FAM20C: variants seen among roughly 807,000 people sequenced by gnomAD.
FAM20C encodes the protein extracellular serine/threonine protein kinase FAM20C.
FAM20C carries 40 observed loss-of-function variants against 51.5 expected under a neutral mutation model. The observed-to-expected ratio is 0.78, with a 90% CI of 0.60 to 1.01. The LOEUF (loss-of-function observed/expected upper bound fraction) is 1.01, where lower values mean the gene tolerates loss of function less well. Among genes scored for constraint, FAM20C ranks in the 50% least tolerant of loss-of-function variants. FAM20C has a pLI of 0.00. For synonymous variants in FAM20C, 406 were observed against 380.6 expected, an observed-to-expected ratio of 1.07 and a Z score of -0.78; for missense variants, 861 against 844.7, an observed-to-expected ratio of 1.02 and a Z score of -0.24.
intron 2 of FAM20C, among the ~76,000 whole-genome samples, chr7:200,477 C>CA (rs1229610205): frequency 2.6e-5 from 4 of 152,122 alleles, no homozygotes; most frequent in Non-Finnish European, 5.9e-5. Context: ...AGGTGAGGAG[C>CA]AAAAGCTCAT....
intron 3 of FAM20C, among the ~76,000 whole-genome samples, chr7:230,569 C>T (rs566389334): frequency 6.6e-6 from 1 of 152,208 alleles, no homozygotes; most frequent in Admixed American, 6.5e-5. Flanking sequence ...TGGCCGGCCA[C>T]CTCAGACAGG....
At chr7:246,542 C>CTCCATCCGTGCTCCA in intron 4 of FAM20C, 35 bp downstream of exon 4, 2 of 1,278,060 alleles carry the variant, frequency 1.6e-6, no homozygotes, top group Middle Eastern at 2.0e-4. Context: ...TCCGCGCTCC[C>CTCCATCCGTGCTCCA]GTGCGCTCAG....
chr7:251,427 A>T (rs2115160242), intron 5 of FAM20C, among the ~76,000 whole-genome samples: 2 of 152,194 alleles, frequency 1.3e-5, no homozygotes, highest in Middle Eastern at 6.8e-3. Context: ...CTGAGGCAGG[A>T]GGATGGCTTG....
At position 232,779 on chromosome 7, in the gene FAM20C, G is replaced by A. The variant is rs956505786; in HGVS notation, c.864-13636G>A. On this transcript the variant is annotated intron_variant, in intron 3 of 9. Transcript: ENST00000313766. Reference sequence around the variant, plus strand: ...GGCTGACCGGCCCCTCGGCCGTGCCGGGATCGTGTGCGTTGCAGGACGGGG... The same window carrying A: ...GGCTGACCGGCCCCTCGGCCGTGCCAGGATCGTGTGCGTTGCAGGACGGGG... 8.6e-4 allele frequency among the ~76,000 whole-genome samples: 131 copies of A among 152,350 alleles called. 2 individuals carry two copies. In the East Asian group the frequency reaches 0.02, roughly 24 times the overall value.
chr7:194,900 T>A (rs984776485), intron 1 of FAM20C, among the ~76,000 whole-genome samples: 2 of 152,116 alleles, frequency 1.3e-5, no homozygotes, highest in East Asian at 3.9e-4. Flanking sequence ...GGAGGGTCTG[T>A]CCCTCCTCCA....
In FAM20C at chr7:259,727, C is replaced by A. The variant is rs1232687645; in HGVS notation, c.1506-4C>A. 4.6e-6 allele frequency: 7 copies of A among 1,531,406 alleles called. No individual in the cohort carries two copies. The African/African-American group carries it at 8.2e-5, about 18-fold the overall frequency. The allele number at this position is 1,531,406 out of a possible 1,614,324, so 94.9% of individuals were successfully genotyped here. Reference sequence around the variant, plus strand: ...GCCAGGCCTGATGCCCCTCTCCTCCCCAGGATCCGGAAGTCCACCTACCTG... The same window carrying A: ...GCCAGGCCTGATGCCCCTCTCCTCCACAGGATCCGGAAGTCCACCTACCTG... On this transcript the variant is annotated splice_region_variant and splice_polypyrimidine_tract_variant and intron_variant, in intron 9 of 9. Transcript: ENST00000313766.
At chr7:237,709 G>T (rs1303608092) in intron 3 of FAM20C, among the ~76,000 whole-genome samples, 1 of 144,040 alleles carries the variant, frequency 6.9e-6, no homozygotes, top group African/African-American at 2.6e-5. Flanking sequence ...TGATAATGAT[G>T]ATAATGGTGA....
intron 3 of FAM20C, among the ~76,000 whole-genome samples, chr7:220,415 G>A (rs906055368): frequency 1.3e-4 from 9 of 67,330 alleles, no homozygotes; most frequent in Non-Finnish European, 2.5e-4. Flanking sequence ...CCCGGGGGGC[G>A]TGGTCAACGC....
chr7:196,505 T>TC (rs1490198913), intron 2 of FAM20C, among the ~76,000 whole-genome samples: 1 of 152,106 alleles, frequency 6.6e-6, no homozygotes, highest in Non-Finnish European at 1.5e-5. Context: ...GAGCAGCTGC[T>TC]CCCCGGGGAT....
At chr7:258,236 G>T (rs1275972117) in intron 8 of FAM20C, among the ~76,000 whole-genome samples, 3 of 141,342 alleles carry the variant, frequency 2.1e-5, no homozygotes, top group East Asian at 2.1e-4. Flanking sequence ...AGATGGGTGG[G>T]GTGGACCCAC....
At chr7:204,952 G>A (rs141691729) in intron 2 of FAM20C, among the ~76,000 whole-genome samples, 11 of 152,358 alleles carry the variant, frequency 7.2e-5, no homozygotes, top group African/African-American at 1.7e-4. Context: ...GGCCCTTGCC[G>A]TGGTGAGCCC....
At chr7:201,490 T>C (rs544847544) in intron 2 of FAM20C, among the ~76,000 whole-genome samples, 5 of 152,198 alleles carry the variant, frequency 3.3e-5, no homozygotes, top group African/African-American at 1.2e-4. Flanking sequence ...CTGCGGGGTG[T>C]TGGGACCCCC....
intron 3 of FAM20C, among the ~76,000 whole-genome samples, chr7:245,233 G>T (rs561457278): frequency 6.6e-6 from 1 of 152,240 alleles, no homozygotes; most frequent in Non-Finnish European, 1.5e-5. Flanking sequence ...GAGCCCAGAC[G>T]GAACACAGTC....
At position 257,044 on chromosome 7, in the gene FAM20C, T is replaced by C. The variant is rs1427793719; in HGVS notation, c.1403T>C (p.Phe468Ser). 4.6e-6 allele frequency: 7 copies of C among 1,536,930 alleles called. No individual in the cohort carries two copies. Among genetic ancestry groups the C allele is most frequent in the Non-Finnish European group, 6.1e-6 (7 of 1,146,874 alleles). ...CACCACTACGAGACTTTTGAGAAGT[T>C]TGGGAATGAAACGTTCATCATCCAC... ...DRHHYETFEK[F>S]GNETFIIHLD... Residue 468 changes from phenylalanine (F) to serine (S), a missense_variant, in exon 8 of 10, where the codon TTT becomes TCT. This residue lies in a region of FAM20C where 269 missense variants were observed against 283.8 expected (regional missense o/e 0.95). Transcript: ENST00000313766.
At position 231,475 on chromosome 7, in the gene FAM20C, CTG is replaced by C. The variant is rs1337993448; in HGVS notation, c.864-14937_864-14936del. Among the ~76,000 whole-genome samples, 5 of 150,492 alleles carry C rather than the reference CTG, an allele frequency of 3.3e-5. No individual in the cohort carries two copies. In the East Asian group the frequency reaches 8.1e-4, roughly 24 times the overall value. ...GAGGAGGGTCCCGGCGTGGAGGACT[CTG>C]TGGGAGGAGGGTCCCGGCGTCGAGG... On this transcript the variant is annotated intron_variant, in intron 3 of 9. Coordinates refer to ENST00000313766, the MANE Select transcript of FAM20C (RefSeq NM_020223.4).
chr7:248,572 C>G (rs1199950417), intron 5 of FAM20C, 142 bp downstream of exon 5: 1 of 595,240 alleles, frequency 1.7e-6, no homozygotes, highest in Admixed American at 2.8e-5. Context: ...ATTCACCTCT[C>G]CAGGTAGCCT....
At chr7:245,930 G>A (rs534644744) in intron 3 of FAM20C, 1 of 139,492 alleles carries the variant, frequency 7.2e-6, no homozygotes, top group East Asian at 2.0e-4. Flanking sequence ...TGGAGGCCGT[G>A]GGGGAGACTC....
At chr7:229,917 A>G (rs1787592874) in intron 3 of FAM20C, among the ~76,000 whole-genome samples, 1 of 152,052 alleles carries the variant, frequency 6.6e-6, no homozygotes, top group Non-Finnish European at 1.5e-5. Flanking sequence ...TGTCTGTCTT[A>G]TCTAGTTTTG....
intron 8 of FAM20C, among the ~76,000 whole-genome samples, chr7:257,870 G>GCAGGGTGGACCCACTGCCCGGGGT (rs1173680029): frequency 1.3e-5 from 1 of 79,406 alleles, no homozygotes; most frequent in African/African-American, 3.8e-5. Context: ...CTGGAGATGG[G>GCAGGGTGGACCCACTGCCCGGGGT]GCTGGGTGGA....
Sources: allele counts gnomAD v4.1 joint callset (sites outside exome capture counted in the v4.1 genomes callset), GRCh38; gene constraint gnomAD v4.1.1; regional missense constraint gnomAD v4.1.1; transcripts MANE v1.5; gene names NCBI Gene and HGNC (gene_info 2026-07-23, HGNC 2026-07-21).